Variants in ALK observed in about 807,000 individuals in gnomAD.
ALK encodes the protein ALK tyrosine kinase receptor.
Under a neutral mutation model 163.1 loss-of-function variants are expected in ALK, and 74 were observed. The observed-to-expected ratio is 0.45, with a 90% CI of 0.38 to 0.55. The LOEUF (loss-of-function observed/expected upper bound fraction) is 0.55, where lower values mean the gene tolerates loss of function less well. Ranked by LOEUF, ALK falls within the 20% of genes least tolerant of loss-of-function variation. ALK has a pLI of 0.00. For synonymous variants in ALK, 960 were observed against 843.2 expected, an observed-to-expected ratio of 1.14 and a Z score of -2.40; for missense variants, 2,063 against 2,105.3, an observed-to-expected ratio of 0.98 and a Z score of 0.39.
At chr2:29,526,001 G>A (rs891545179) in intron 4 of ALK, among the ~76,000 whole-genome samples, 1 of 152,080 alleles carries the variant, frequency 6.6e-6, no homozygotes, top group Non-Finnish European at 1.5e-5. Context: ...TACTCAATGG[G>A]ACTGGTACTT....
intron 1 of ALK, among the ~76,000 whole-genome samples, chr2:29,882,650 C>T (rs143777873): frequency 0.012 from 1,810 of 152,212 alleles, 35 homozygotes; most frequent in African/African-American, 0.042. Flanking sequence ...GCCGAGATTG[C>T]GCCACTGCAC....
At chr2:29,478,085 C>T (rs1429138516) in intron 4 of ALK, among the ~76,000 whole-genome samples, 1 of 152,236 alleles carries the variant, frequency 6.6e-6, no homozygotes, top group African/African-American at 2.4e-5. Flanking sequence ...GTCTCACTCT[C>T]AGCTTCTCAA....
At chr2:29,831,408 C>T (rs1337885149) in intron 1 of ALK, among the ~76,000 whole-genome samples, 1 of 151,742 alleles carries the variant, frequency 6.6e-6, no homozygotes, top group East Asian at 2.0e-4. Flanking sequence ...ATATATATTA[C>T]ACTTTGAGAA....
intron 3 of ALK, among the ~76,000 whole-genome samples, chr2:29,540,475 G>C (rs1673383592): frequency 6.6e-6 from 1 of 151,584 alleles, no homozygotes; most frequent in Non-Finnish European, 1.5e-5. Context: ...TGCTTTATAT[G>C]AATAATCAGG....
intron 3 of ALK, among the ~76,000 whole-genome samples, chr2:29,682,162 C>T (rs987128169): frequency 8.6e-5 from 13 of 151,902 alleles, no homozygotes; most frequent in Non-Finnish European, 1.8e-4. Flanking sequence ...CTTTTGATGG[C>T]AAAGAGATTG....
chr2:29,745,811 A>G (rs1190526328), intron 1 of ALK, among the ~76,000 whole-genome samples: 1 of 152,192 alleles, frequency 6.6e-6, no homozygotes, highest in Non-Finnish European at 1.5e-5. Flanking sequence ...CCTGGCAGAG[A>G]GTAGGTGCTA....
intron 3 of ALK, among the ~76,000 whole-genome samples, chr2:29,636,327 A>T (rs1194485081): frequency 6.7e-6 from 1 of 149,456 alleles, no homozygotes; most frequent in Non-Finnish European, 1.5e-5. Context: ...AGAGGCCAAA[A>T]ATAAAGAAAG....
At chr2:29,809,244 A>C (rs1160293632) in intron 1 of ALK, among the ~76,000 whole-genome samples, 1 of 152,242 alleles carries the variant, frequency 6.6e-6, no homozygotes, top group African/African-American at 2.4e-5. Flanking sequence ...TTGGGCACCT[A>C]CTATGTGCCA....
chr2:29,630,717 A>G (rs1052287386), intron 3 of ALK, among the ~76,000 whole-genome samples: 3 of 152,176 alleles, frequency 2.0e-5, no homozygotes, highest in Non-Finnish European at 4.4e-5. Context: ...CACAGGAAAT[A>G]TATACTAGAT....
intron 1 of ALK, among the ~76,000 whole-genome samples, chr2:29,886,578 A>C (rs574649567): frequency 1.4e-4 from 22 of 152,376 alleles, no homozygotes; most frequent in African/African-American, 5.3e-4. Flanking sequence ...AAGAAGGAAG[A>C]TTGCCCTTAG....
At position 29,663,940 on chromosome 2, in the gene ALK, CT is replaced by C. The variant is rs531394746; in HGVS notation, c.952+30909del. Among the ~76,000 whole-genome samples, 134 of 152,216 alleles carry C rather than the reference CT, an allele frequency of 8.8e-4. 1 individual carries two copies. The highest frequency in any genetic ancestry group is 6.8e-3 in the Middle Eastern group (2 of 294). On this transcript the variant is annotated intron_variant, in intron 3 of 28. Transcript: ENST00000389048. ...CACCCTGAAGGGGACTTAGAAAAAC[CT>C]TTCCTTGTTATGTTGAAACAACACA...
rs569507610 is a variant in ALK, at chr2:29,274,052, CTCTT to C, written c.2041+1043_2041+1046del. Among the ~76,000 whole-genome samples the C allele has an allele frequency of 8.6e-4, 131 of 152,298 alleles. 1 individual carries two copies. Among genetic ancestry groups the C allele is most frequent in the African/African-American group, 3.1e-3 (128 of 41,560 alleles). On this transcript the variant is annotated intron_variant, in intron 11 of 28. Transcript: ENST00000389048. Reference sequence around the variant, plus strand: ...GAGGGATGATGCGAAAAGTAACTAACTCTTTCTCCTGGGTCTGGCAGCTGGATTA... The same window carrying C: ...GAGGGATGATGCGAAAAGTAACTAACTCTCCTGGGTCTGGCAGCTGGATTA...
At chr2:29,487,906 T>G (rs1471787727) in intron 4 of ALK, among the ~76,000 whole-genome samples, 2 of 152,162 alleles carry the variant, frequency 1.3e-5, no homozygotes, top group Admixed American at 6.5e-5. Context: ...GGAGCTCAGC[T>G]CAAATTCAAA....
chr2:29,307,354 C>G (rs1395718095), intron 8 of ALK, among the ~76,000 whole-genome samples: 1 of 152,214 alleles, frequency 6.6e-6, no homozygotes, highest in East Asian at 1.9e-4. Flanking sequence ...AGAGACAAAA[C>G]CAAGGCTAGA....
chr2:29,506,477 T>G (rs1320642400), intron 4 of ALK, among the ~76,000 whole-genome samples: 1 of 152,166 alleles, frequency 6.6e-6, no homozygotes, highest in Non-Finnish European at 1.5e-5. Flanking sequence ...TGAGCAGGAT[T>G]GGCTCATGTC....
At chr2:29,822,026 C>A (rs990095874) in intron 1 of ALK, among the ~76,000 whole-genome samples, 28 of 152,202 alleles carry the variant, frequency 1.8e-4, no homozygotes, top group African/African-American at 5.3e-4. Flanking sequence ...TGAAATCAGG[C>A]CTTCTTCTGC....
At position 29,339,031 on chromosome 2, in the gene ALK, T is replaced by G. The variant is rs781302576; in HGVS notation, c.1283-10550A>C. Among the ~76,000 whole-genome samples the G allele has an allele frequency of 1.1e-4, 16 of 152,050 alleles. No individual in the cohort carries two copies. In the South Asian group the frequency reaches 3.1e-3, roughly 30 times the overall value. On this transcript the variant is annotated intron_variant, in intron 5 of 28. Coordinates refer to ENST00000389048, the MANE Select transcript of ALK (RefSeq NM_004304.5). ...GCTGAGGCGGGCGGATCACCTGAGG[T>G]GGGGAGTTCAAGACCAGCCTGGCCA...
At chr2:29,429,742 A>G (rs1423543314) in intron 4 of ALK, among the ~76,000 whole-genome samples, 1 of 152,150 alleles carries the variant, frequency 6.6e-6, no homozygotes, top group Non-Finnish European at 1.5e-5. Flanking sequence ...TAAAATTCAT[A>G]TAAAATTTTC....
At chr2:29,669,772 G>T (rs1346090041) in intron 3 of ALK, among the ~76,000 whole-genome samples, 2 of 151,366 alleles carry the variant, frequency 1.3e-5, no homozygotes, top group Admixed American at 6.6e-5. Context: ...TTTTTACATT[G>T]TGATTACCAT....
Sources: allele counts gnomAD v4.1 joint callset (sites outside exome capture counted in the v4.1 genomes callset), GRCh38; gene constraint gnomAD v4.1.1; transcripts MANE v1.5; gene names NCBI Gene and HGNC (gene_info 2026-07-23, HGNC 2026-07-21).